The following TFAM variants were observed in gnomAD, a reference collection of about 807,000 sequenced individuals.
TFAM encodes the protein transcription factor A, mitochondrial.
Under a neutral mutation model 30.6 loss-of-function variants are expected in TFAM, and 13 were observed. The ratio of observed to expected loss-of-function variants is 0.42; its 90% CI spans 0.28 to 0.67. The LOEUF is 0.67. Among genes scored for constraint, TFAM ranks in the 30% least tolerant of loss-of-function variants. The pLI, the probability that TFAM is intolerant of heterozygous loss-of-function variation, is 0.21. For missense variants in TFAM, 231 were observed against 293.7 expected (o/e 0.79, Z 1.56); for synonymous variants, 106 against 94.8 (o/e 1.12, Z -0.69).
At chr10:58,394,820 A>T (rs1269827683) in intron 6 of TFAM, 108 bp from the exon 7 acceptor site, 3 of 1,109,588 alleles carry the variant, frequency 2.7e-6, no homozygotes, top group African/African-American at 3.2e-5. Context: ...ATGGTAATGT[A>T]ATTTCTAAAG....
intron 2 of TFAM, chr10:58,386,775 A>C: frequency 1.2e-6 from 1 of 858,656 alleles, no homozygotes; most frequent in South Asian, 3.9e-5. Flanking sequence ...AAGAGCTTTC[A>C]AGATAAGAAA....
chr10:58,394,382 A>G lies in TFAM; in HGVS notation c.562A>G (p.Asn188Asp). Residue 188 changes from asparagine (N) to aspartate (D), a missense_variant, in exon 6 of 7, where the codon AAC (asparagine) becomes GAC (aspartate). Transcript: ENST00000487519. Reference protein sequence around the residue: ...PQEKLKTVKENWKNLSDSEKE... With the variant: ...PQEKLKTVKEDWKNLSDSEKE... ...GGAAAAGCTGAAGACTGTAAAGGAAAACTGGAAAAATCTGTCTGACTCTGA... is the reference window on the plus strand; with the variant it reads ...GGAAAAGCTGAAGACTGTAAAGGAAGACTGGAAAAATCTGTCTGACTCTGA... The G allele has an allele frequency of 6.2e-7, 1 of 1,613,748 alleles. No individual in the cohort carries two copies. The highest frequency in any genetic ancestry group is 8.5e-7 in the Non-Finnish European group (1 of 1,179,732).
At chr10:58,386,133 T>G (rs1840485501) in intron 1 of TFAM, 87 bp from the exon 2 acceptor site, 6 of 913,678 alleles carry the variant, frequency 6.6e-6, no homozygotes, top group South Asian at 6.5e-5. Flanking sequence ...TTGATGACAT[T>G]TCTTATTTGG....
Position 58,395,078 on chromosome 10 carries a change from T to A in TFAM, c.*4T>A. Reference sequence around the variant, plus strand: ...ATATGGTGCTGAGGAGTGTTAAAAGTAGAAGATTGAGATGTGTTCACAATG... The same window carrying A: ...ATATGGTGCTGAGGAGTGTTAAAAGAAGAAGATTGAGATGTGTTCACAATG... On this transcript the variant is annotated 3_prime_UTR_variant, in exon 7 of 7. Coordinates refer to ENST00000487519, the MANE Select transcript of TFAM (RefSeq NM_003201.3). The A allele has an allele frequency of 6.2e-7, 1 of 1,613,192 alleles. No homozygotes were observed. The highest frequency in any genetic ancestry group is 8.5e-7 in the Non-Finnish European group (1 of 1,179,416).
In TFAM at chr10:58,395,677, TTATG is replaced by T. The variant is rs1840669677; in HGVS notation, c.*605_*608del. 3.4e-6 allele frequency: 1 copy of T among 295,644 alleles called. No individual in the cohort carries two copies. The highest frequency in any genetic ancestry group is 2.1e-5 in the African/African-American group (1 of 46,752). The allele number at this position is 295,644 out of a possible 1,614,324, so 18.3% of individuals were successfully genotyped here. A position where few individuals can be genotyped will look rare whatever the true frequency, so the allele number is the denominator to read the frequency against. ...TTTTTCTAAAGTAAAAACAAAGAAA[TTATG>T]TGCCAGATTTATGCATATTATTTTA... is the stretch of plus-strand genomic sequence containing the variant. On this transcript the variant is annotated 3_prime_UTR_variant, in exon 7 of 7. Coordinates refer to ENST00000487519, the MANE Select transcript of TFAM (RefSeq NM_003201.3).
At position 58,394,781 on chromosome 10, in the gene TFAM, C is replaced by A. The variant is rs17847535; in HGVS notation, c.595-147C>A. ...TAACTTTTATCTCATGAAAATATTT[C>A]TTCTCCAGTCTGCCTTTATACATGT... On this transcript the variant is annotated intron_variant, in intron 6 of 6. Transcript: ENST00000487519. The A allele has an allele frequency of 2.4e-4, 180 of 743,002 alleles. No individual in the cohort carries two copies. The East Asian group carries it at 4.5e-3, about 19-fold the overall frequency. 46.0% of individuals were successfully genotyped at this position (743,002 alleles called of 1,614,324 possible).
rs377453233 is a variant in TFAM at position 58,386,231 on chromosome 10, T to C, written c.113T>C (p.Leu38Ser). The C allele has an allele frequency of 2.5e-6, 4 of 1,610,840 alleles. No individual in the cohort carries two copies. The highest frequency in any genetic ancestry group is 2.7e-5 in the African/African-American group (2 of 74,906). The change falls in exon 2 of 7, where the codon TTA becomes TCA. Residue 38 changes from leucine to serine, a missense_variant. Leu to Ser is a moderately radical substitution (Grantham distance 145, BLOSUM62 -2). Coordinates refer to ENST00000487519, the MANE Select transcript of TFAM (RefSeq NM_003201.3). ...TTGTTTATATGTAGTTTTGTGTATTTACCGAGGTGGTTTTCATCTGTCTTG... is the reference window on the plus strand; with the variant it reads ...TTGTTTATATGTAGTTTTGTGTATTCACCGAGGTGGTTTTCATCTGTCTTG... ...RLRSPFSFVY[L>S]PRWFSSVLAS...
intron 4 of TFAM, among the ~76,000 whole-genome samples, chr10:58,390,242 T>G (rs1488997097): frequency 6.6e-6 from 1 of 152,228 alleles, no homozygotes; most frequent in African/African-American, 2.4e-5. Flanking sequence ...AAACTGATAG[T>G]AAGGGATACT....
chr10:58,392,779 A>G (rs988787006), intron 5 of TFAM, among the ~76,000 whole-genome samples: 2 of 151,250 alleles, frequency 1.3e-5, no homozygotes, highest in Non-Finnish European at 2.9e-5. Flanking sequence ...GGCTCAAGCA[A>G]TTTTCCCACC....
In TFAM at chr10:58,398,998, C is replaced by A. The variant is rs1240639635; in HGVS notation, c.*3924C>A. 1 of 152,068 alleles carries A rather than the reference C, an allele frequency of 6.6e-6. No individual in the cohort carries two copies. The highest frequency in any genetic ancestry group is 1.5e-5 in the Non-Finnish European group (1 of 68,002). 9.4% of individuals were successfully genotyped at this position (152,068 alleles called of 1,614,324 possible). ...TATTACTTTAAATTTGTAAAATTTT[C>A]CAAAGTAAAACCATACAAAGCTAGT... On this transcript the variant is annotated 3_prime_UTR_variant, in exon 7 of 7. Transcript: ENST00000487519.
chr10:58,397,206 G>A lies in TFAM; in HGVS notation c.*2132G>A, dbSNP rs1028610036. On this transcript the variant is annotated 3_prime_UTR_variant, in exon 7 of 7. Coordinates refer to ENST00000487519, the MANE Select transcript of TFAM (RefSeq NM_003201.3). ...CACATAGGAGTGTTTGTAATGAGGG[G>A]TATGTAATGATTGAGATAGAGGAAT... The A allele has an allele frequency of 2.8e-4, 42 of 152,242 alleles. No homozygotes were observed. The highest frequency in any genetic ancestry group is 1.4e-3 in the Admixed American group (22 of 15,288). The allele number at this position is 152,242 out of a possible 1,614,324, so 9.4% of individuals were successfully genotyped here.
In TFAM at chr10:58,395,831, T is replaced by A. The variant is rs1313175574; in HGVS notation, c.*757T>A. On this transcript the variant is annotated 3_prime_UTR_variant, in exon 7 of 7. Transcript: ENST00000487519. ...GGAATTTTATTTTTTTCTGAATTAT[T>A]TTCTCTCGTGAGTATATTGATCCAG... is the stretch of plus-strand genomic sequence containing the variant. 4.0e-6 allele frequency: 1 copy of A among 252,814 alleles called. No homozygotes were observed. 15.7% of individuals were successfully genotyped at this position (252,814 alleles called of 1,614,324 possible). A position where few individuals can be genotyped will look rare whatever the true frequency, so the allele number is the denominator to read the frequency against.
chr10:58,388,591 C>A lies in TFAM; in HGVS notation c.292-79C>A. ...TAAAATCTGTCTGTCTGAAGTCATGCAGTTGCCTTTCCCTGGCATGTGCTA... is the reference window on the plus strand; with the variant it reads ...TAAAATCTGTCTGTCTGAAGTCATGAAGTTGCCTTTCCCTGGCATGTGCTA... On this transcript the variant is annotated intron_variant, in intron 3 of 6. Coordinates refer to ENST00000487519, the MANE Select transcript of TFAM (RefSeq NM_003201.3). 2.1e-6 allele frequency: 3 copies of A among 1,463,148 alleles called. No individual in the cohort carries two copies. The South Asian group carries it at 3.4e-5, about 17-fold the overall frequency. The allele number at this position is 1,463,148 out of a possible 1,614,324, so 90.6% of individuals were successfully genotyped here.
rs770411113 is a variant in TFAM, at chr10:58,388,709, A to G, written c.331A>G (p.Lys111Glu). 3 of 1,613,868 alleles carry G rather than the reference A, an allele frequency of 1.9e-6. No homozygotes were observed. The highest frequency in any genetic ancestry group is 2.2e-5 in the East Asian group (1 of 44,844). Residue 111 changes from lysine to glutamate, a missense_variant, in exon 4 of 7, where the codon AAA (lysine) becomes GAA (glutamate). Coordinates refer to ENST00000487519, the MANE Select transcript of TFAM (RefSeq NM_003201.3). ...DAYRAEWQVYKEEISRFKEQL... is the reference protein window; with the variant it reads ...DAYRAEWQVYEEEISRFKEQL... ...TTATAGGGCGGAGTGGCAGGTATAT[A>G]AAGAAGAGATAAGCAGATTTAAAGA...
At position 58,395,646 on chromosome 10, in the gene TFAM, C is replaced by T; in HGVS notation, c.*572C>T. On this transcript the variant is annotated 3_prime_UTR_variant, in exon 7 of 7. Transcript: ENST00000487519. The stretch of plus-strand genomic sequence containing the variant: ...GAGAAATTTATAAACTTTTTTCTTA[C>T]TGTCTTTTTTCTAAAGTAAAAACAA... The T allele has an allele frequency of 3.7e-6, 1 of 266,800 alleles. No homozygotes were observed. Among genetic ancestry groups the T allele is most frequent in the Non-Finnish European group, 6.9e-6 (1 of 144,928 alleles). The allele number at this position is 266,800 out of a possible 1,614,324, so 16.5% of individuals were successfully genotyped here. A position where few individuals can be genotyped will look rare whatever the true frequency, so the allele number is the denominator to read the frequency against.
At position 58,393,099 on chromosome 10, in the gene TFAM, C is replaced by T. The variant is rs184783899; in HGVS notation, c.538-1259C>T. ...GGTTCAAGCGATCCTCCTGCCTCAG[C>T]CTGCCTAGTAGCTGGGACCACAGGC... On this transcript the variant is annotated intron_variant, in intron 5 of 6. Transcript: ENST00000487519. Among the ~76,000 whole-genome samples the T allele has an allele frequency of 2.0e-5, 3 of 152,260 alleles. No homozygotes were observed. The East Asian group carries it at 5.8e-4, about 29-fold the overall frequency.
rs1005840343 is a variant in TFAM, at chr10:58,394,345, T to C, written c.538-13T>C. On this transcript the variant is annotated splice_polypyrimidine_tract_variant and intron_variant, in intron 5 of 6. Transcript: ENST00000487519. ...CCATATCTACCTTAACTTAAACATA[T>C]ATTGTTTTACAGGAAAAGCTGAAGA... 6 of 1,605,568 alleles carry C rather than the reference T, an allele frequency of 3.7e-6. No homozygotes were observed. The highest frequency in any genetic ancestry group is 1.1e-5 in the South Asian group (1 of 90,896).
intron 4 of TFAM, among the ~76,000 whole-genome samples, chr10:58,389,532 G>T (rs1430772362): frequency 6.6e-6 from 1 of 152,158 alleles, no homozygotes. Flanking sequence ...CCTTGAATGT[G>T]GGATGCCAAT....
Position 58,398,609 on chromosome 10 carries a change from A to T in TFAM, c.*3535A>T, listed in dbSNP as rs929799349. 1 of 152,108 alleles carries T rather than the reference A, an allele frequency of 6.6e-6. No homozygotes were observed. Among genetic ancestry groups the T allele is most frequent in the African/African-American group, 2.4e-5 (1 of 41,420 alleles). The allele number at this position is 152,108 out of a possible 1,614,324, so 9.4% of individuals were successfully genotyped here. On this transcript the variant is annotated 3_prime_UTR_variant, in exon 7 of 7. Coordinates refer to ENST00000487519, the MANE Select transcript of TFAM (RefSeq NM_003201.3). ...TGAATGTGTATATTTAGATTTCTGA[A>T]TTGAAAAAAAATAGCGTACAATAAG...
Sources: gnomAD v4.1 joint callset for allele counts (sites outside exome capture counted in the v4.1 genomes callset) on GRCh38, gnomAD v4.1.1 for gene constraint, MANE v1.5 for transcripts, NCBI Gene and HGNC (gene_info 2026-07-23, HGNC 2026-07-21) for gene names.